The following LIX1 variants were observed in gnomAD, a reference collection of about 807,000 sequenced individuals.
LIX1 encodes limb and CNS expressed 1, also known as protein limb expression 1 homolog.
Under a neutral mutation model 33.4 loss-of-function variants are expected in LIX1, and 24 were observed. That is an observed-to-expected ratio of 0.72 (90% CI 0.52 to 1.01). The LOEUF is 1.01. Among genes scored for constraint, LIX1 ranks in the 50% least tolerant of loss-of-function variants. The probability of loss-of-function intolerance (pLI) is 0.00; values close to 1 mark genes in which losing one functional copy is unlikely to be tolerated. For missense variants in LIX1, 311 were observed against 339.2 expected (o/e 0.92, Z 0.65); for synonymous variants, 124 against 124.0 (o/e 1.00, Z 0.00).
intron 2 of LIX1, among the ~76,000 whole-genome samples, chr5:97,113,287 C>G (rs1425468969): frequency 6.6e-6 from 1 of 152,156 alleles, no homozygotes; most frequent in African/African-American, 2.4e-5. Flanking sequence ...GACCTTGAGC[C>G]AAAACCACTC....
chr5:97,109,454 A>C (rs1747248845), intron 2 of LIX1, among the ~76,000 whole-genome samples: 1 of 152,120 alleles, frequency 6.6e-6, no homozygotes, highest in African/African-American at 2.4e-5. Context: ...GGGTCTCACT[A>C]TATTGCCCAG....
At chr5:97,140,335 T>C (rs1448403117) in intron 1 of LIX1, among the ~76,000 whole-genome samples, 2 of 152,200 alleles carry the variant, frequency 1.3e-5, no homozygotes, top group African/African-American at 4.8e-5. Flanking sequence ...AAGGTAGCAA[T>C]TTTTCTTAAG....
At chr5:97,097,460 G>T (rs1344989955) in intron 4 of LIX1, among the ~76,000 whole-genome samples, 1 of 152,120 alleles carries the variant, frequency 6.6e-6, no homozygotes, top group East Asian at 1.9e-4. Context: ...TAAGAAGATC[G>T]CTATATACAT....
At chr5:97,129,576 G>A (rs1200871725) in intron 1 of LIX1, among the ~76,000 whole-genome samples, 2 of 152,082 alleles carry the variant, frequency 1.3e-5, no homozygotes, top group African/African-American at 4.8e-5. Flanking sequence ...GAAGTTGAAG[G>A]TGTAATCACA....
intron 4 of LIX1, among the ~76,000 whole-genome samples, chr5:97,098,034 A>G (rs988537518): frequency 1.3e-5 from 2 of 152,218 alleles, no homozygotes; most frequent in Admixed American, 6.5e-5. Flanking sequence ...GCTCATCGGA[A>G]CGCTCATTCT....
At chr5:97,110,905 C>T (rs904663934) in intron 2 of LIX1, among the ~76,000 whole-genome samples, 3 of 152,066 alleles carry the variant, frequency 2.0e-5, no homozygotes, top group African/African-American at 7.2e-5. Context: ...TAGACCTCTT[C>T]TAAGTTTTAG....
chr5:97,102,959 T>C, intron 4 of LIX1: 1 of 412,592 alleles, frequency 2.4e-6, no homozygotes. Context: ...AGATGCTTTA[T>C]AAATGTTACA....
intron 1 of LIX1, among the ~76,000 whole-genome samples, chr5:97,129,540 T>C (rs1748009004): frequency 6.6e-6 from 1 of 152,080 alleles, no homozygotes; most frequent in African/African-American, 2.4e-5. Context: ...GTATTATCAT[T>C]CACATCCTAC....
At chr5:97,126,787 C>T (rs1464787463) in intron 1 of LIX1, among the ~76,000 whole-genome samples, 1 of 151,552 alleles carries the variant, frequency 6.6e-6, no homozygotes, top group East Asian at 1.9e-4. Flanking sequence ...CTACAGGTGC[C>T]CACCACTACG....
chr5:97,115,114 T>C (rs931828769), intron 2 of LIX1, among the ~76,000 whole-genome samples: 16 of 152,214 alleles, frequency 1.1e-4, no homozygotes, highest in Non-Finnish European at 1.9e-4. Flanking sequence ...TCTATGATTA[T>C]TTTCCAGGGT....
intron 4 of LIX1, among the ~76,000 whole-genome samples, chr5:97,099,809 C>T (rs1746596782): frequency 6.6e-6 from 1 of 152,166 alleles, no homozygotes; most frequent in African/African-American, 2.4e-5. Flanking sequence ...CACACTCCAG[C>T]CTCGGCAAGT....
At chr5:97,106,063 A>G (rs1747002786) in intron 3 of LIX1, among the ~76,000 whole-genome samples, 1 of 152,190 alleles carries the variant, frequency 6.6e-6, no homozygotes. Context: ...TGAAATATTT[A>G]TGTTGGCTTT....
Position 97,107,473 on chromosome 5 carries a change from G to C in LIX1, c.274C>G (p.Arg92Gly). 3 of 1,613,838 alleles carry C rather than the reference G, an allele frequency of 1.9e-6. No homozygotes were observed. Among genetic ancestry groups the C allele is most frequent in the Non-Finnish European group, 2.5e-6 (3 of 1,179,952 alleles). The change falls in exon 3 of 6, where the codon CGG (arginine) becomes GGG (glycine). Residue 92 changes from arginine to glycine, a missense_variant. Physicochemically the swap from Arg to Gly is moderately radical, Grantham distance 125 (BLOSUM62 -2). Transcript: ENST00000274382. Reference sequence around the variant, plus strand: ...ATCAGGGCCACTTTAGCTGCATCCCGCCTGGCCTCGGCTCTACTTAAGCAG... The same window carrying C: ...ATCAGGGCCACTTTAGCTGCATCCCCCCTGGCCTCGGCTCTACTTAAGCAG... ...QCCLSRAEAR[R>G]DAAKVALINS...
intron 4 of LIX1, among the ~76,000 whole-genome samples, chr5:97,099,244 C>G (rs1188996129): frequency 6.6e-6 from 1 of 152,176 alleles, no homozygotes; most frequent in Non-Finnish European, 1.5e-5. Flanking sequence ...GTTCGAGAAA[C>G]CAAATCTCGT....
intron 2 of LIX1, among the ~76,000 whole-genome samples, chr5:97,118,452 A>G (rs139349170): frequency 1.3e-4 from 20 of 152,318 alleles, no homozygotes; most frequent in Non-Finnish European, 2.6e-4. Context: ...TGAGTTCATC[A>G]AGAGGGGAGC....
rs561515108 is a variant in LIX1, at chr5:97,094,294, G to T, written c.*454C>A. On this transcript the variant is annotated 3_prime_UTR_variant, in exon 6 of 6. Coordinates refer to ENST00000274382, the MANE Select transcript of LIX1 (RefSeq NM_153234.5). The stretch of plus-strand genomic sequence containing the variant: ...GCTTAGAAAGAGACTCTGATCCTTG[G>T]ATATTTTTTAAAACAATCCATATTA... 6.3e-5 allele frequency: 10 copies of T among 158,816 alleles called. No homozygotes were observed. The highest frequency in any genetic ancestry group is 1.3e-4 in the Non-Finnish European group (9 of 71,880). The allele number at this position is 158,816 out of a possible 1,614,324, so 9.8% of individuals were successfully genotyped here. A position where few individuals can be genotyped will look rare whatever the true frequency, so the allele number is the denominator to read the frequency against.
intron 1 of LIX1, among the ~76,000 whole-genome samples, chr5:97,141,805 A>G (rs1000131706): frequency 6.6e-6 from 1 of 152,254 alleles, no homozygotes; most frequent in African/African-American, 2.4e-5. Context: ...AAACGAAGTT[A>G]TATGACAAAT....
chr5:97,121,620 T>C (rs544547754), intron 2 of LIX1, among the ~76,000 whole-genome samples: 50 of 152,328 alleles, frequency 3.3e-4, no homozygotes, highest in African/African-American at 1.2e-3. Flanking sequence ...GCTTGCTCCA[T>C]TTTAATAGCT....
Position 97,124,586 on chromosome 5 carries a change from C to T in LIX1, c.126G>A (p.Gln42=), listed in dbSNP as rs753232835. The change falls in exon 2 of 6, where the codon CAG becomes CAA. Residue 42 remains glutamine, a synonymous_variant. Coordinates refer to ENST00000274382, the MANE Select transcript of LIX1 (RefSeq NM_153234.5). The stretch of plus-strand genomic sequence containing the variant: ...CACTTGGGAATGCAGCCTTCTGCTG[C>T]TGCTTGCTTTCCCAAAATTCCTGTA... ...SMLQEFWESK[Q]QQKAAFPSEG... 6.2e-7 allele frequency: 1 copy of T among 1,610,270 alleles called. No homozygotes were observed. Among genetic ancestry groups the T allele is most frequent in the South Asian group, 1.1e-5 (1 of 90,410 alleles).
Sources: gnomAD v4.1 joint callset for allele counts (sites outside exome capture counted in the v4.1 genomes callset) on GRCh38, gnomAD v4.1.1 for gene constraint, MANE v1.5 for transcripts, NCBI Gene and HGNC (gene_info 2026-07-23, HGNC 2026-07-21) for gene names.